The following SLC2A9 variants were observed in gnomAD, a reference collection of about 807,000 sequenced individuals.
SLC2A9 encodes the protein solute carrier family 2 member 9.
Under a neutral mutation model 50.6 loss-of-function variants are expected in SLC2A9, and 39 were observed. The observed-to-expected ratio is 0.77, with a 90% CI of 0.60 to 1.01. SLC2A9 has a LOEUF of 1.01. Among genes scored for constraint, SLC2A9 ranks in the 50% least tolerant of loss-of-function variants. The pLI is 0.00. For missense variants in SLC2A9, 686 were observed against 677.6 expected (o/e 1.01, Z -0.14); for synonymous variants, 324 against 276.9 (o/e 1.17, Z -1.69).
chr4:9,985,517 C>T, intron 4 of SLC2A9, 152 bp downstream of exon 4: 1 of 1,040,250 alleles, frequency 9.6e-7, no homozygotes, highest in Non-Finnish European at 1.4e-6. Context: ...CAGGACTGTC[C>T]CACTTTATGC....
At chr4:9,985,239 T>C (rs1038524354) in intron 4 of SLC2A9, among the ~76,000 whole-genome samples, 1 of 152,232 alleles carries the variant, frequency 6.6e-6, no homozygotes, top group African/African-American at 2.4e-5. Context: ...CTCCATCCTA[T>C]AGTGTGCCAG....
At chr4:10,039,525 C>T (rs187871507) in intron 1 of SLC2A9, among the ~76,000 whole-genome samples, 7 of 152,348 alleles carry the variant, frequency 4.6e-5, no homozygotes, top group East Asian at 1.9e-4. Flanking sequence ...CACCTCCCTC[C>T]TGCTTATGCT....
At chr4:9,880,575 T>G (rs796442511) in intron 10 of SLC2A9, 1 of 984,396 alleles carries the variant, frequency 1.0e-6, no homozygotes, top group South Asian at 4.7e-5. Context: ...CTAAGCTTAG[T>G]GATTTTTGGT....
At chr4:9,867,343 G>A (rs1206345687) in intron 10 of SLC2A9, among the ~76,000 whole-genome samples, 1 of 152,204 alleles carries the variant, frequency 6.6e-6, no homozygotes, top group Non-Finnish European at 1.5e-5. Flanking sequence ...GCAGCCATGT[G>A]GGTTTCTCAT....
At chr4:10,008,522 C>A (rs1310024554) in intron 2 of SLC2A9, among the ~76,000 whole-genome samples, 1 of 152,232 alleles carries the variant, frequency 6.6e-6, no homozygotes, top group East Asian at 1.9e-4. Flanking sequence ...TCACAGGAGG[C>A]AGCTCCACAC....
chr4:9,913,722 A>G (rs1440143023), intron 7 of SLC2A9, among the ~76,000 whole-genome samples: 3 of 152,142 alleles, frequency 2.0e-5, no homozygotes, highest in Non-Finnish European at 4.4e-5. Flanking sequence ...CCTCCACCCA[A>G]GGAGGGGCTT....
At chr4:9,831,687 C>G (rs1249847619) in intron 11 of SLC2A9, among the ~76,000 whole-genome samples, 1 of 152,174 alleles carries the variant, frequency 6.6e-6, no homozygotes, top group Non-Finnish European at 1.5e-5. Context: ...AGTTCTGGTG[C>G]CCAGAGAAAG....
At chr4:9,894,064 T>C (rs1738063963) in intron 8 of SLC2A9, among the ~76,000 whole-genome samples, 1 of 152,216 alleles carries the variant, frequency 6.6e-6, no homozygotes, top group Non-Finnish European at 1.5e-5. Context: ...TCCACACCCT[T>C]GGACTCAGTC....
chr4:9,951,639 G>A (rs1445342121), intron 5 of SLC2A9, among the ~76,000 whole-genome samples: 1 of 148,928 alleles, frequency 6.7e-6, no homozygotes. Context: ...TAAAAAAACA[G>A]TAATCATCTT....
At chr4:10,001,459 C>G (rs1759788660) in intron 2 of SLC2A9, among the ~76,000 whole-genome samples, 1 of 152,182 alleles carries the variant, frequency 6.6e-6, no homozygotes, top group South Asian at 2.1e-4. Context: ...TCTGCCAACA[C>G]CTTGATCTTG....
intron 3 of SLC2A9, among the ~76,000 whole-genome samples, chr4:9,780,995 T>C (rs1438566386): frequency 6.6e-6 from 1 of 152,048 alleles, no homozygotes; most frequent in Non-Finnish European, 1.5e-5. Flanking sequence ...AAAGGAAAAA[T>C]CGTTCAAGGA....
chr4:10,026,226 T>C (rs1578387366), upstream of SLC2A9, among the ~76,000 whole-genome samples: 2 of 152,206 alleles, frequency 1.3e-5, no homozygotes, highest in Admixed American at 6.5e-5. Flanking sequence ...ACTTGCCTTG[T>C]TGATTATTAA....
intron 3 of SLC2A9, among the ~76,000 whole-genome samples, chr4:9,799,930 G>C (rs1158342311): frequency 6.6e-6 from 1 of 152,146 alleles, no homozygotes; most frequent in Non-Finnish European, 1.5e-5. Context: ...GCTGTTGTAG[G>C]AATAACTTCA....
chr4:9,988,170 G>GATTTCAAAT (rs1757065366), intron 3 of SLC2A9, among the ~76,000 whole-genome samples: 1 of 152,236 alleles, frequency 6.6e-6, no homozygotes, highest in Non-Finnish European at 1.5e-5. Context: ...GTAATGATTT[G>GATTTCAAAT]GACCAGGCTG....
At chr4:9,880,362 A>T in intron 10 of SLC2A9, 2 of 985,602 alleles carry the variant, frequency 2.0e-6, no homozygotes, top group Non-Finnish European at 2.4e-6. Flanking sequence ...GCAGGGGCTG[A>T]CAGGTGATCT....
chr4:9,900,334 G>A (rs1397205872), intron 8 of SLC2A9, among the ~76,000 whole-genome samples: 1 of 152,172 alleles, frequency 6.6e-6, no homozygotes, highest in Admixed American at 6.5e-5. Flanking sequence ...AGTAAATCAG[G>A]AAAATTTGGT....
intron 5 of SLC2A9, among the ~76,000 whole-genome samples, chr4:9,977,929 G>A (rs1451490330): frequency 6.6e-6 from 1 of 152,232 alleles, no homozygotes; most frequent in African/African-American, 2.4e-5. Context: ...TTTGTTGAAT[G>A]ACTGGATAAA....
At chr4:9,811,125 C>CCTGGGCCA (rs60759193) in intron 3 of SLC2A9, among the ~76,000 whole-genome samples, 6,450 of 152,200 alleles carry the variant, frequency 0.042, 368 homozygotes, top group African/African-American at 0.13. Context: ...AACTAACCCT[C>CCTGGGCCA]CTGGGATGGA....
chr4:10,037,507 A>C (rs534661380), intron 1 of SLC2A9, among the ~76,000 whole-genome samples: 17 of 152,316 alleles, frequency 1.1e-4, no homozygotes, highest in African/African-American at 4.1e-4. Flanking sequence ...ACTGGGGTGA[A>C]GTGACTGAGG....
Sources: gnomAD v4.1 joint callset for allele counts (sites outside exome capture counted in the v4.1 genomes callset) on GRCh38, gnomAD v4.1.1 for gene constraint, MANE v1.5 for transcripts, NCBI Gene and HGNC (gene_info 2026-07-23, HGNC 2026-07-21) for gene names.